The following GGTA1 variants were observed in gnomAD, a reference collection of about 807,000 sequenced individuals.
GGTA1 encodes glycoprotein alpha-galactosyltransferase 1 (inactive).
In GGTA1, 5 loss-of-function variants were observed where a neutral mutation model predicts 2.6. The observed-to-expected ratio is 1.92, with a 90% CI of 1.00 to 4.04. The LOEUF (loss-of-function observed/expected upper bound fraction) is 4.04, where lower values mean the gene tolerates loss of function less well. GGTA1 is among the 30% of genes most tolerant of loss of function. GGTA1 has a pLI of 0.00. For missense variants in GGTA1, 50 were observed against 16.7 expected (o/e 2.99, Z -3.47); for synonymous variants, 17 against 5.0 (o/e 3.38, Z -3.19).
chr9:121,493,968 G>T (rs1589339899), intron 1 of GGTA1, among the ~76,000 whole-genome samples: 1 of 152,046 alleles, frequency 6.6e-6, no homozygotes, highest in African/African-American at 2.4e-5. Flanking sequence ...TGTTGACTAG[G>T]CTGGTCTCGA....
In GGTA1 at chr9:121,476,255, A is replaced by G. The variant is rs1828506921; in HGVS notation, c.-9-8324T>C. Among the ~76,000 whole-genome samples, 1 of 151,994 alleles carries G rather than the reference A, an allele frequency of 6.6e-6. No homozygotes were observed. Among genetic ancestry groups the G allele is most frequent in the Non-Finnish European group, 1.5e-5 (1 of 68,008 alleles). ...TAAAGTCAGCTCCATGCCCTGCTCT[A>G]TCCCAGGAACACGGCTCTGACCAGA... On this transcript the variant is annotated intron_variant, in intron 1 of 5. Coordinates refer to ENST00000481799, the MANE Select transcript of GGTA1 (RefSeq NM_001382585.1). This position sits in a 1 kb window ranked among gnomAD's most constrained non-coding sequence, Gnocchi z 4.6.
intron 1 of GGTA1, among the ~76,000 whole-genome samples, chr9:121,495,376 T>C (rs540931468): frequency 2.6e-5 from 4 of 151,914 alleles, no homozygotes; most frequent in Admixed American, 6.6e-5. Context: ...TGAAATCCCA[T>C]CTCTACTAAA....
chr9:121,460,092 C>T lies in GGTA1; in HGVS notation c.298+12G>A, dbSNP rs1564651545. ...GGATTTGCTGCACAGGGAGTGACGC[C>T]GCTTTTCTTACTTTGGATTAAACCA... On this transcript the variant is annotated intron_variant, in intron 5 of 5. Transcript: ENST00000481799. 5 of 456,502 alleles carry T rather than the reference C, an allele frequency of 1.1e-5. No individual in the cohort carries two copies. Among genetic ancestry groups the T allele is most frequent in the Middle Eastern group, 3.2e-4 (1 of 3,098 alleles). The allele number at this position is 456,502 out of a possible 1,614,324, so 28.3% of individuals were successfully genotyped here.
chr9:121,485,029 T>C (rs1000195370), intron 1 of GGTA1, among the ~76,000 whole-genome samples: 1 of 152,262 alleles, frequency 6.6e-6, no homozygotes, highest in African/African-American at 2.4e-5. Context: ...ACTCTGTCTG[T>C]GAATTTCTGT....
At chr9:121,450,588 T>C (rs1227845154), downstream of GGTA1, among the ~76,000 whole-genome samples, 1 of 152,210 alleles carries the variant, frequency 6.6e-6, no homozygotes, top group Non-Finnish European at 1.5e-5. Context: ...TGGAACTGGA[T>C]GGCTGAAGCC....
In GGTA1 at chr9:121,463,108, G is replaced by C. The variant is rs146642151; in HGVS notation, c.116+185C>G. 3.3e-3 allele frequency: 1,246 copies of C among 383,232 alleles called. 17 individuals are homozygous for C. The highest frequency in any genetic ancestry group is 0.025 in the African/African-American group (1,155 of 46,832). The allele number at this position is 383,232 out of a possible 1,614,324, so 23.7% of individuals were successfully genotyped here. On this transcript the variant is annotated intron_variant, in intron 3 of 5. Transcript: ENST00000481799. ...AACTGAGGGCAAGATACAAGCCATG[G>C]TTCTATACAGATAAGTCTACGGAAG...
intron 1 of GGTA1, among the ~76,000 whole-genome samples, chr9:121,471,298 G>A (rs1483397843): frequency 6.6e-6 from 1 of 152,162 alleles, no homozygotes; most frequent in Non-Finnish European, 1.5e-5. Context: ...GTTTTTGGAG[G>A]TGGCTCTGCC....
downstream of GGTA1, among the ~76,000 whole-genome samples, chr9:121,450,791 C>T (rs946288142): frequency 2.6e-5 from 4 of 152,190 alleles, no homozygotes; most frequent in East Asian, 3.9e-4. Flanking sequence ...TCCACAGTCA[C>T]CTTTCTCTGT....
At chr9:121,465,029 C>G (rs1465431481) in intron 2 of GGTA1, among the ~76,000 whole-genome samples, 3 of 145,026 alleles carry the variant, frequency 2.1e-5, no homozygotes, top group Non-Finnish European at 4.6e-5. Flanking sequence ...CAAAAAACAA[C>G]TCCTCCCCTT....
chr9:121,494,431 C>A (rs1828944866), intron 1 of GGTA1: 1 of 152,244 alleles, frequency 6.6e-6, no homozygotes, highest in Non-Finnish European at 1.5e-5. Flanking sequence ...CAAGCTGAGC[C>A]AATCAGCTCT....
intron 2 of GGTA1, among the ~76,000 whole-genome samples, chr9:121,465,588 A>G (rs1174405591): frequency 6.6e-6 from 1 of 152,194 alleles, no homozygotes; most frequent in Non-Finnish European, 1.5e-5. Context: ...TCCTTACAAG[A>G]AGAGGAAGAG....
chr9:121,454,481 A>T (rs182420026), downstream of GGTA1, among the ~76,000 whole-genome samples: 201 of 152,300 alleles, frequency 1.3e-3, no homozygotes, highest in Middle Eastern at 3.4e-3. Context: ...GGTAGGTGCT[A>T]TTTTGATTCC....
At chr9:121,464,880 T>G (rs1409684798) in intron 2 of GGTA1, among the ~76,000 whole-genome samples, 1 of 152,252 alleles carries the variant, frequency 6.6e-6, no homozygotes, top group African/African-American at 2.4e-5. Context: ...TTGGTTGACA[T>G]GCTTGAGTTA....
exon 8 of GGTA1, chr9:121,446,837 T>A (rs1554835741): frequency 1.3e-5 from 2 of 152,222 alleles, no homozygotes; most frequent in Non-Finnish European, 2.9e-5. Context: ...AAATTAAGTG[T>A]TACTTTTCTG....
chr9:121,492,495 C>T (rs1471569180), intron 1 of GGTA1, among the ~76,000 whole-genome samples: 6 of 152,030 alleles, frequency 3.9e-5, no homozygotes, highest in East Asian at 1.9e-4. Context: ...ATTTTTGAGA[C>T]GGAGTTTCGC....
chr9:121,469,221 T>C (rs1828328919), intron 1 of GGTA1, among the ~76,000 whole-genome samples: 1 of 151,560 alleles, frequency 6.6e-6, no homozygotes. Flanking sequence ...TAAAGTCGAG[T>C]CCCAAGGGAT....
At chr9:121,484,398 C>T (rs911519390) in intron 1 of GGTA1, among the ~76,000 whole-genome samples, 18 of 151,824 alleles carry the variant, frequency 1.2e-4, no homozygotes, top group Admixed American at 4.6e-4. Context: ...CTCGCTCTGT[C>T]GCCCAGGCTG....
chr9:121,465,141 T>C (rs1251760323), intron 2 of GGTA1, among the ~76,000 whole-genome samples: 2 of 152,252 alleles, frequency 1.3e-5, no homozygotes, highest in African/African-American at 4.8e-5. Context: ...CAGAACCTGC[T>C]CTGGCTACCA....
At chr9:121,459,176 G>C (rs1309424162) in intron 5 of GGTA1, among the ~76,000 whole-genome samples, 1 of 152,166 alleles carries the variant, frequency 6.6e-6, no homozygotes. Flanking sequence ...CTATTTTCAG[G>C]CTGGGCATGG....
Sources: gnomAD v4.1 joint callset for allele counts (sites outside exome capture counted in the v4.1 genomes callset) on GRCh38, gnomAD v4.1.1 for gene constraint, Gnocchi (gnomAD v3.1) non-coding constraint, MANE v1.5 for transcripts, NCBI Gene and HGNC (gene_info 2026-07-23, HGNC 2026-07-21) for gene names.